Variants in CPQ observed in about 807,000 individuals in gnomAD.
CPQ encodes Ser-Met dipeptidase.
A neutral mutation model predicts 45.7 loss-of-function variants in CPQ; 37 were observed. That is an observed-to-expected ratio of 0.81 (90% confidence interval 0.62 to 1.07). The LOEUF is 1.07. CPQ is among the 50% of genes least tolerant of loss of function. The pLI is 0.00. For synonymous variants in CPQ, 186 were observed against 205.8 expected (o/e 0.90, Z 0.82); for missense variants, 537 against 572.9 (o/e 0.94, Z 0.64).
intron 5 of CPQ, among the ~76,000 whole-genome samples, chr8:96,991,997 C>A (rs1809102292): frequency 1.3e-5 from 2 of 152,170 alleles, no homozygotes; most frequent in Admixed American, 6.5e-5. Context: ...CTTCCCTAGT[C>A]TCAGTACTTG....
chr8:97,021,739 C>T (rs1809689845), intron 5 of CPQ, among the ~76,000 whole-genome samples: 1 of 152,124 alleles, frequency 6.6e-6, no homozygotes, highest in African/African-American at 2.4e-5. Flanking sequence ...AAACACATCC[C>T]ATGCTTGTGA....
chr8:96,848,325 C>T (rs560201583), intron 3 of CPQ, among the ~76,000 whole-genome samples: 2 of 152,242 alleles, frequency 1.3e-5, no homozygotes, highest in South Asian at 4.2e-4. Context: ...AAAGTTACTT[C>T]TACACATTTA....
intron 7 of CPQ, among the ~76,000 whole-genome samples, chr8:97,087,121 C>T (rs1038981102): frequency 1.1e-4 from 16 of 152,104 alleles, no homozygotes; most frequent in African/African-American, 7.2e-5. Flanking sequence ...TTTGCCCCTC[C>T]GGTGGTGGTA....
intron 2 of CPQ, among the ~76,000 whole-genome samples, chr8:96,821,958 C>T (rs1811313326): frequency 6.6e-6 from 1 of 151,862 alleles, no homozygotes; most frequent in African/African-American, 2.4e-5. Flanking sequence ...TTCAAGTATA[C>T]AATCTATTGT....
intron 3 of CPQ, among the ~76,000 whole-genome samples, chr8:96,843,063 G>A (rs914761252): frequency 1.3e-5 from 2 of 152,022 alleles, no homozygotes; most frequent in South Asian, 2.1e-4. Flanking sequence ...CCGCCACCAC[G>A]TCCAGCTAAT....
intron 3 of CPQ, among the ~76,000 whole-genome samples, chr8:96,848,248 A>G (rs1480542937): frequency 6.6e-6 from 1 of 152,178 alleles, no homozygotes; most frequent in Non-Finnish European, 1.5e-5. Context: ...TCAAGCCAGG[A>G]GAAGACCCAA....
intron 2 of CPQ, among the ~76,000 whole-genome samples, chr8:96,802,338 A>C (rs972614700): frequency 6.6e-6 from 1 of 152,178 alleles, no homozygotes; most frequent in African/African-American, 2.4e-5. Context: ...AGTCACTTGA[A>C]TCAAGCTGGT....
chr8:96,896,910 G>C (rs1479569553), intron 4 of CPQ, among the ~76,000 whole-genome samples: 2 of 152,154 alleles, frequency 1.3e-5, no homozygotes, highest in African/African-American at 4.8e-5. Flanking sequence ...AGAAATTTAA[G>C]ATTGTTATGG....
chr8:96,681,652 G>T (rs144886995), intron 1 of CPQ, among the ~76,000 whole-genome samples: 4 of 152,300 alleles, frequency 2.6e-5, no homozygotes, highest in East Asian at 3.9e-4. Flanking sequence ...GTTTAGCTGT[G>T]AGAAGAGGAC....
intron 1 of CPQ, among the ~76,000 whole-genome samples, chr8:96,719,409 G>C (rs1022744950): frequency 2.6e-5 from 4 of 152,192 alleles, no homozygotes; most frequent in African/African-American, 4.8e-5. Context: ...ACGCCCACCC[G>C]GAACTCCAGC....
Position 97,143,119 on chromosome 8 carries a change from C to T in CPQ, c.1355C>T (p.Ala452Val), listed in dbSNP as rs1812195745. Reference sequence around the variant, plus strand: ...GATCCAAAGCAGATGAATGTTGCTGCTGCTGTTTGGGCTGTTGTTTCTTAT... The same window carrying T: ...GATCCAAAGCAGATGAATGTTGCTGTTGCTGTTTGGGCTGTTGTTTCTTAT... ...VMDPKQMNVA[A>V]AVWAVVSYVV... The change falls in exon 8 of 8, where the codon GCT (alanine) becomes GTT (valine). Residue 452 changes from alanine to valine, a missense_variant. Transcript: ENST00000220763. The T allele has an allele frequency of 1.2e-6, 2 of 1,613,838 alleles. No individual in the cohort carries two copies. The highest frequency in any genetic ancestry group is 2.2e-5 in the South Asian group (2 of 91,060).
At position 96,649,877 on chromosome 8, in the gene CPQ, G is replaced by A. The variant is rs146434788; in HGVS notation, c.-35+4475G>A. Among the ~76,000 whole-genome samples, 400 of 152,250 alleles carry A rather than the reference G, an allele frequency of 2.6e-3. 3 individuals carry two copies. The highest frequency in any genetic ancestry group is 9.3e-3 in the African/African-American group (385 of 41,546). ...TGATTCTTATGTAAGTGCCAGTGAA[G>A]GAAAAAAGATTGGAGACTCAAACAA... On this transcript the variant is annotated intron_variant, in intron 1 of 7. Transcript: ENST00000220763.
At chr8:97,009,349 A>C (rs991730585) in intron 5 of CPQ, among the ~76,000 whole-genome samples, 2 of 152,188 alleles carry the variant, frequency 1.3e-5, no homozygotes, top group Admixed American at 6.5e-5. Context: ...GGTCCCAGAC[A>C]CTTTCCACCT....
At chr8:96,710,731 T>A (rs1160562484) in intron 1 of CPQ, among the ~76,000 whole-genome samples, 2 of 152,206 alleles carry the variant, frequency 1.3e-5, no homozygotes, top group Non-Finnish European at 2.9e-5. Flanking sequence ...ATTTCAGTTT[T>A]AAAAAACTTA....
intron 5 of CPQ, among the ~76,000 whole-genome samples, chr8:96,966,908 ACT>A (rs1813576205): frequency 6.6e-6 from 1 of 152,162 alleles, no homozygotes; most frequent in Non-Finnish European, 1.5e-5. Context: ...TGTTCTTAAG[ACT>A]CTTAGAATGG....
chr8:97,043,278 A>C lies in CPQ; in HGVS notation c.1053+13784A>C, dbSNP rs548780424. ...TCTCTTTTGATCTTTGTTGGTTTAA[A>C]GTCTGTTTTATCAGAGACTAGGATT... On this transcript the variant is annotated intron_variant, in intron 6 of 7. Coordinates refer to ENST00000220763, the MANE Select transcript of CPQ (RefSeq NM_016134.4). Among the ~76,000 whole-genome samples the C allele has an allele frequency of 4.4e-3, 664 of 151,368 alleles. 4 individuals carry two copies. The highest frequency in any genetic ancestry group is 0.015 in the African/African-American group (639 of 41,262).
At chr8:96,964,092 CTT>C (rs34122483) in intron 4 of CPQ, among the ~76,000 whole-genome samples, 1 of 126,304 alleles carries the variant, frequency 7.9e-6, no homozygotes, top group Non-Finnish European at 1.6e-5. Flanking sequence ...AGTTTTCTTT[CTT>C]TTTTTTTTTT....
At chr8:97,045,871 A>G (rs978935115) in intron 6 of CPQ, among the ~76,000 whole-genome samples, 7 of 152,220 alleles carry the variant, frequency 4.6e-5, no homozygotes, top group South Asian at 2.1e-4. Flanking sequence ...CATAAAGCCA[A>G]TGCCAGAAAG....
chr8:96,697,633 A>C (rs1809403419), intron 1 of CPQ, among the ~76,000 whole-genome samples: 1 of 152,180 alleles, frequency 6.6e-6, no homozygotes. Context: ...CCAAAAAAGT[A>C]TGAGAACTGT....
Sources: allele counts gnomAD v4.1 joint callset (sites outside exome capture counted in the v4.1 genomes callset), GRCh38; gene constraint gnomAD v4.1.1; transcripts MANE v1.5; gene names NCBI Gene and HGNC (gene_info 2026-07-23, HGNC 2026-07-21).